The following SORCS2 variants were observed in gnomAD, a reference collection of about 807,000 sequenced individuals.
SORCS2 encodes VPS10 domain-containing receptor SorCS2.
A neutral mutation model predicts 141.6 loss-of-function variants in SORCS2; 100 were observed. The observed-to-expected ratio is 0.71, with a 90% CI of 0.60 to 0.83. The LOEUF (loss-of-function observed/expected upper bound fraction) is 0.83, where lower values mean the gene tolerates loss of function less well. Among genes scored for constraint, SORCS2 ranks in the 40% least tolerant of loss-of-function variants. The probability of loss-of-function intolerance (pLI) is 0.00; values close to 1 mark genes in which losing one functional copy is unlikely to be tolerated. For missense variants in SORCS2, 1,646 were observed against 1,560.2 expected, an observed-to-expected ratio of 1.05 and a Z score of -0.93; for synonymous variants, 789 against 676.9, an observed-to-expected ratio of 1.17 and a Z score of -2.57.
chr4:7,588,254 C>T (rs918627038), intron 3 of SORCS2, among the ~76,000 whole-genome samples: 2 of 152,202 alleles, frequency 1.3e-5, no homozygotes, highest in South Asian at 2.1e-4. Context: ...GAGCCGGCTT[C>T]GGGCTGTGAA....
chr4:7,364,181 A>G (rs1721749273), intron 1 of SORCS2, among the ~76,000 whole-genome samples: 2 of 152,192 alleles, frequency 1.3e-5, no homozygotes, highest in African/African-American at 2.4e-5. Context: ...GTGAAGCCAT[A>G]TGCACAGGCT....
intron 2 of SORCS2, among the ~76,000 whole-genome samples, chr4:7,487,206 A>T (rs1467066796): frequency 3.3e-5 from 5 of 152,168 alleles, no homozygotes; most frequent in African/African-American, 1.2e-4. Flanking sequence ...CCCTAAGGAG[A>T]TCTGCAAAGC....
chr4:7,311,462 G>GATAT (rs1367792016), intron 1 of SORCS2, among the ~76,000 whole-genome samples: 1 of 152,172 alleles, frequency 6.6e-6, no homozygotes, highest in East Asian at 1.9e-4. Flanking sequence ...TCATCTCCGG[G>GATAT]ATATGTTTAG....
chr4:7,410,100 G>A (rs114608498), intron 2 of SORCS2, among the ~76,000 whole-genome samples: 12 of 152,358 alleles, frequency 7.9e-5, no homozygotes, highest in African/African-American at 2.9e-4. Context: ...GTGTGACCAT[G>A]CTGAAATTGA....
chr4:7,595,845 C>T (rs915281083), intron 3 of SORCS2, among the ~76,000 whole-genome samples: 4 of 152,158 alleles, frequency 2.6e-5, no homozygotes, highest in East Asian at 1.9e-4. Context: ...CACCAGGCAC[C>T]GTCACCTGAA....
intron 3 of SORCS2, among the ~76,000 whole-genome samples, chr4:7,543,935 T>C (rs1476890424): frequency 2.5e-5 from 1 of 40,510 alleles, no homozygotes; most frequent in African/African-American, 1.1e-4. Context: ...CATCCACCCA[T>C]CCACCCATCC....
intron 3 of SORCS2, among the ~76,000 whole-genome samples, chr4:7,543,871 T>C (rs1288981927): frequency 4.4e-5 from 3 of 68,662 alleles, no homozygotes; most frequent in Non-Finnish European, 6.1e-5. Context: ...CACCCATCCA[T>C]CCAGCCACCC....
chr4:7,312,268 C>T (rs1447963714), intron 1 of SORCS2, among the ~76,000 whole-genome samples: 3 of 152,182 alleles, frequency 2.0e-5, no homozygotes, highest in South Asian at 2.1e-4. Context: ...GTGCATTGTG[C>T]ATTTGGTGTT....
rs556252918 is a variant in SORCS2 at position 7,640,405 on chromosome 4, T to G, written c.813+1913T>G. Among the ~76,000 whole-genome samples the G allele has an allele frequency of 2.2e-4, 31 of 143,276 alleles. No homozygotes were observed. In the East Asian group the frequency reaches 2.8e-3, roughly 13 times the overall value. 94.0% of individuals were successfully genotyped at this position (143,276 alleles called of 152,430 possible). On this transcript the variant is annotated intron_variant, in intron 4 of 26. Transcript: ENST00000507866. ...GAGTGTGTGGGTGTGTGAGTGTGTG[T>G]GGGTGAGTGTGTGTGATCGTGTGTG...
rs1188524503 is a variant in SORCS2 at position 7,740,932 on chromosome 4, C to A, written c.*668C>A. On this transcript the variant is annotated 3_prime_UTR_variant, in exon 27 of 27. Transcript: ENST00000507866. ...GTCAGAGTTCCGTACTCGGGAGCCC[C>A]TTTCCCTGAGTGCCCAGGGTGTCTC... is the stretch of plus-strand genomic sequence containing the variant. 7.5e-6 allele frequency: 3 copies of A among 398,036 alleles called. No homozygotes were observed. The highest frequency in any genetic ancestry group is 1.3e-5 in the Non-Finnish European group (3 of 226,404). The allele number at this position is 398,036 out of a possible 1,614,324, so 24.7% of individuals were successfully genotyped here. A position where few individuals can be genotyped will look rare whatever the true frequency, so the allele number is the denominator to read the frequency against.
intron 3 of SORCS2, among the ~76,000 whole-genome samples, chr4:7,616,008 A>G (rs950748852): frequency 2.0e-5 from 3 of 152,252 alleles, no homozygotes; most frequent in South Asian, 2.1e-4. Context: ...TTATTACTAA[A>G]AAAAGTTACT....
At chr4:7,672,135 G>T (rs901123940) in intron 8 of SORCS2, among the ~76,000 whole-genome samples, 2 of 151,896 alleles carry the variant, frequency 1.3e-5, no homozygotes, top group African/African-American at 4.8e-5. Flanking sequence ...TAGAGACAGG[G>T]TTTCACCATG....
chr4:7,269,308 G>A (rs528996273), intron 1 of SORCS2, among the ~76,000 whole-genome samples: 5 of 152,336 alleles, frequency 3.3e-5, no homozygotes, highest in South Asian at 4.1e-4. Flanking sequence ...GGGAGCTGCC[G>A]TTGTGCAGGG....
chr4:7,404,107 G>C (rs578058112), intron 2 of SORCS2, among the ~76,000 whole-genome samples: 3 of 150,120 alleles, frequency 2.0e-5, no homozygotes, highest in Non-Finnish European at 4.4e-5. Flanking sequence ...TTGTCTTTCT[G>C]TGTCTGCCTC....
chr4:7,259,437 C>T (rs902745201), intron 1 of SORCS2, among the ~76,000 whole-genome samples: 4 of 152,138 alleles, frequency 2.6e-5, no homozygotes, highest in Non-Finnish European at 5.9e-5. Context: ...CTCGTAGGCC[C>T]AGGGTATGTG....
intron 1 of SORCS2, among the ~76,000 whole-genome samples, chr4:7,295,390 C>T (rs1329481195): frequency 1.3e-5 from 2 of 151,862 alleles, no homozygotes; most frequent in African/African-American, 2.4e-5. Context: ...TGCCGGCCGG[C>T]CGGGTGCGTT....
intron 5 of SORCS2, among the ~76,000 whole-genome samples, chr4:7,657,926 G>A (rs145939156): frequency 3.9e-5 from 6 of 152,094 alleles, no homozygotes. Flanking sequence ...GGTTGAGTGA[G>A]TGAATAAGTG....
At chr4:7,260,553 G>A (rs943810970) in intron 1 of SORCS2, among the ~76,000 whole-genome samples, 8 of 152,328 alleles carry the variant, frequency 5.3e-5, no homozygotes, top group East Asian at 1.9e-4. Context: ...ATGAGTGAAC[G>A]GGAGCTGTGG....
At position 7,391,650 on chromosome 4, in the gene SORCS2, A is replaced by AGAGTCAGT. The variant is rs112216366; in HGVS notation, c.481-4636_481-4629dup. The stretch of plus-strand genomic sequence containing the variant: ...GCAGGCCCTTCCCTGGAATAAAGCG[A>AGAGTCAGT]GAGTCAGTGGACGTGGGGGCTGGGC... On this transcript the variant is annotated intron_variant, in intron 1 of 26. Coordinates refer to ENST00000507866, the MANE Select transcript of SORCS2 (RefSeq NM_020777.3). Among the ~76,000 whole-genome samples, 296 of 152,298 alleles carry AGAGTCAGT rather than the reference A, an allele frequency of 1.9e-3. 2 individuals are homozygous for AGAGTCAGT. The highest frequency in any genetic ancestry group is 6.9e-3 in the African/African-American group (287 of 41,558).
Sources: allele counts gnomAD v4.1 joint callset (sites outside exome capture counted in the v4.1 genomes callset), GRCh38; gene constraint gnomAD v4.1.1; transcripts MANE v1.5; gene names NCBI Gene and HGNC (gene_info 2026-07-23, HGNC 2026-07-21).